The following SMIM35 variants were observed in gnomAD, a reference collection of about 807,000 sequenced individuals.
The protein encoded by SMIM35 is small integral membrane protein 35.
At chr11:118,031,697 A>G (rs2058321138) in intron 1 of SMIM35, 1 of 152,168 alleles carries the variant, frequency 6.6e-6, no homozygotes, top group Non-Finnish European at 1.5e-5. Flanking sequence ...CTCTCCACAA[A>G]GTACTTATTA....
At chr11:118,007,046 TACACAC>T (rs921148381) in intron 4 of SMIM35, among the ~76,000 whole-genome samples, 1 of 152,004 alleles carries the variant, frequency 6.6e-6, no homozygotes, top group South Asian at 2.1e-4. Flanking sequence ...GTGTAGTACA[TACACAC>T]ACACACGCAC....
intron 1 of SMIM35, among the ~76,000 whole-genome samples, chr11:118,080,092 A>G (rs1257181356): frequency 6.6e-6 from 1 of 152,180 alleles, no homozygotes; most frequent in Non-Finnish European, 1.5e-5. Context: ...GGGGATTGGG[A>G]GGACCCAATA....
At chr11:118,070,524 G>C (rs1944554619) in intron 1 of SMIM35, among the ~76,000 whole-genome samples, 1 of 152,162 alleles carries the variant, frequency 6.6e-6, no homozygotes, top group Non-Finnish European at 1.5e-5. Context: ...GTATGTTCAT[G>C]GTCTGGAGTT....
intron 1 of SMIM35, among the ~76,000 whole-genome samples, chr11:118,083,018 C>A (rs938157015): frequency 6.6e-6 from 1 of 152,128 alleles, no homozygotes; most frequent in Admixed American, 6.5e-5. Context: ...AAAGGACTGT[C>A]CCCCACCCCC....
At chr11:118,028,795 G>GA (rs1269853822) in intron 1 of SMIM35, 3 of 443,358 alleles carry the variant, frequency 6.8e-6, no homozygotes, top group Admixed American at 2.4e-5. Context: ...AGGAGGAAGA[G>GA]AAAAAACAAG....
At chr11:118,027,026 T>TC (rs1412897244) in intron 1 of SMIM35, among the ~76,000 whole-genome samples, 1 of 141,108 alleles carries the variant, frequency 7.1e-6, no homozygotes, top group African/African-American at 2.6e-5. Flanking sequence ...CTTTTTTTTT[T>TC]TTTTTTTTTT....
intron 1 of SMIM35, among the ~76,000 whole-genome samples, chr11:118,037,331 T>C (rs2058367327): frequency 6.6e-6 from 1 of 152,182 alleles, no homozygotes; most frequent in Non-Finnish European, 1.5e-5. Flanking sequence ...GCTTTACAGC[T>C]TTGATTCTGG....
intron 1 of SMIM35, chr11:118,029,640 C>T (rs1403930235): frequency 2.2e-6 from 1 of 457,190 alleles, no homozygotes; most frequent in Non-Finnish European, 4.4e-6. Context: ...TCTTTTTCAC[C>T]CCAGCAGTTT....
At chr11:118,070,757 G>A (rs979679838) in intron 1 of SMIM35, among the ~76,000 whole-genome samples, 24 of 152,066 alleles carry the variant, frequency 1.6e-4, no homozygotes, top group Non-Finnish European at 2.5e-4. Context: ...CAAATTACAC[G>A]GACAATATGG....
At chr11:118,070,833 G>A (rs538898352) in intron 1 of SMIM35, among the ~76,000 whole-genome samples, 11 of 152,268 alleles carry the variant, frequency 7.2e-5, no homozygotes, top group Admixed American at 7.2e-4. Context: ...CTTCCCAGAG[G>A]TCCCCAGTGG....
chr11:118,029,671 T>C (rs182114058), intron 1 of SMIM35: 318 of 457,392 alleles, frequency 7.0e-4, no homozygotes, highest in African/African-American at 6.0e-3. Flanking sequence ...CAGTTGGGTC[T>C]AGTTTGCAGT....
intron 1 of SMIM35, among the ~76,000 whole-genome samples, chr11:118,080,826 T>C (rs1945070467): frequency 6.6e-6 from 1 of 152,190 alleles, no homozygotes; most frequent in Non-Finnish European, 1.5e-5. Flanking sequence ...CTCCACGGCC[T>C]CAGACTTCCC....
rs2058177645 is a variant in SMIM35, at chr11:118,015,800, G to A, written c.17C>T (p.Ser6Phe). Reference sequence around the variant, plus strand: ...AAGGATCAGGCCCAAGGTGCTGATGGAGTCCTCACCTGCAGAGACATGCAG... The same window carrying A: ...AAGGATCAGGCCCAAGGTGCTGATGAAGTCCTCACCTGCAGAGACATGCAG... Reference protein sequence around the residue: MTGEDSISTLGLILGV... With the variant: MTGEDFISTLGLILGV... The change falls in exon 2 of 5, where the codon TCC becomes TTC. Residue 6 changes from serine to phenylalanine, a missense_variant. By Grantham distance (155) the Ser-to-Phe change is radical. Coordinates refer to ENST00000689828, the MANE Select transcript of SMIM35 (RefSeq NM_001394165.1). 7.5e-6 allele frequency: 3 copies of A among 399,256 alleles called. No homozygotes were observed. Among genetic ancestry groups the A allele is most frequent in the Non-Finnish European group, 1.3e-5 (3 of 226,212 alleles). The allele number at this position is 399,256 out of a possible 1,614,324, so 24.7% of individuals were successfully genotyped here. A position where few individuals can be genotyped will look rare whatever the true frequency, so the allele number is the denominator to read the frequency against.
chr11:118,057,074 A>T (rs643295), intron 1 of SMIM35, among the ~76,000 whole-genome samples: 75,695 of 152,024 alleles, frequency 0.5, 19,169 homozygotes, highest in African/African-American at 0.58. Flanking sequence ...GAGCAGCCGG[A>T]AGCCTCAAGG....
chr11:118,010,755 G>A (rs1018982538), intron 4 of SMIM35, among the ~76,000 whole-genome samples: 2 of 152,208 alleles, frequency 1.3e-5, no homozygotes, highest in Non-Finnish European at 2.9e-5. Context: ...CCCAGAGAAG[G>A]CACCAAAGCG....
intron 1 of SMIM35, among the ~76,000 whole-genome samples, chr11:118,053,525 T>C (rs1944255806): frequency 6.6e-6 from 1 of 152,172 alleles, no homozygotes; most frequent in South Asian, 2.1e-4. Context: ...TTGGATTCCT[T>C]ATTCAACTCC....
chr11:118,035,503 C>G (rs2058352482), intron 1 of SMIM35, among the ~76,000 whole-genome samples: 1 of 152,186 alleles, frequency 6.6e-6, no homozygotes, highest in Non-Finnish European at 1.5e-5. Context: ...ATCGGTTGCT[C>G]AAAAACGTAT....
At chr11:118,037,969 G>T (rs1325940274) in intron 1 of SMIM35, among the ~76,000 whole-genome samples, 1 of 152,208 alleles carries the variant, frequency 6.6e-6, no homozygotes, top group Non-Finnish European at 1.5e-5. Flanking sequence ...TCTTTTCAGA[G>T]TTGTGGAGGA....
intron 1 of SMIM35, chr11:118,059,530 C>G (rs2135118903): frequency 6.6e-6 from 1 of 152,358 alleles, no homozygotes; most frequent in African/African-American, 2.4e-5. Flanking sequence ...AAGGTCTCTG[C>G]CAACTGTGAA....
Sources: gnomAD v4.1 joint callset for allele counts (sites outside exome capture counted in the v4.1 genomes callset) on GRCh38, gnomAD v4.1.1 for gene constraint, MANE v1.5 for transcripts, NCBI Gene and HGNC (gene_info 2026-07-23, HGNC 2026-07-21) for gene names.